Variants in CIMAP2 observed in about 807,000 individuals in gnomAD.
CIMAP2 encodes ciliary microtubule associated protein 2.
chr1:54,808,017 T>C, the CIMAP2 span: 7 of 1,551,500 alleles, frequency 4.5e-6, no homozygotes, highest in Non-Finnish European at 6.1e-6. Flanking sequence ...CTGGGGTAGG[T>C]GTTCTCATGT....
chr1:54,811,777 C>CGGGGGGGGGGGG, the CIMAP2 span: 2 of 511,454 alleles, frequency 3.9e-6, no homozygotes, highest in Non-Finnish European at 7.4e-6. Flanking sequence ...CTCCATGCCC[C>CGGGGGGGGGGGG]CACCCCCGCC....
chr1:54,810,045 A>G, the CIMAP2 span, among the ~76,000 whole-genome samples: 1 of 152,110 alleles, frequency 6.6e-6, no homozygotes, highest in African/African-American at 2.4e-5. Flanking sequence ...GAACCTCTGA[A>G]CCTGAAGGTT....
the CIMAP2 span, among the ~76,000 whole-genome samples, chr1:54,833,832 T>C: frequency 6.7e-6 from 1 of 149,612 alleles, no homozygotes; most frequent in South Asian, 2.1e-4. Flanking sequence ...GGCCACCCTA[T>C]GATTTGTTCT....
chr1:54,814,967 CA>C, the CIMAP2 span: 3 of 1,614,206 alleles, frequency 1.9e-6, no homozygotes, highest in African/African-American at 1.3e-5. Flanking sequence ...GCAAACCCGT[CA>C]ACCAGCCCCC....
the CIMAP2 span, chr1:54,811,765 G>GGGGGGGGGGGGGGGGGGCCCCCCC: frequency 7.7e-7 from 1 of 1,301,332 alleles, no homozygotes; most frequent in Non-Finnish European, 1.1e-6. Flanking sequence ...GGTTCTGACA[G>GGGGGGGGGGGGGGGGGGCCCCCCC]CCTCCATGCC....
the CIMAP2 span, among the ~76,000 whole-genome samples, chr1:54,815,883 C>T: frequency 1.4e-5 from 2 of 142,496 alleles, no homozygotes; most frequent in Admixed American, 1.4e-4. Context: ...CTCCTGACTT[C>T]CAGTAGCACA....
the CIMAP2 span, among the ~76,000 whole-genome samples, chr1:54,839,014 A>G: frequency 6.6e-6 from 1 of 152,186 alleles, no homozygotes; most frequent in East Asian, 1.9e-4. Context: ...GGAGCTATGG[A>G]GGCCTGGGCC....
the CIMAP2 span, chr1:54,813,681 CGG>C: frequency 1.9e-6 from 2 of 1,043,660 alleles, no homozygotes; most frequent in Non-Finnish European, 2.7e-6. Context: ...GCCCGGCCTC[CGG>C]CCTCCGGGAT....
the CIMAP2 span, among the ~76,000 whole-genome samples, chr1:54,833,513 C>T: frequency 6.6e-6 from 1 of 152,220 alleles, no homozygotes; most frequent in Admixed American, 6.5e-5. Flanking sequence ...CTGCCTTCTT[C>T]CCTGCTTCTT....
At chr1:54,817,203 T>C in the CIMAP2 span, 2 of 1,559,528 alleles carry the variant, frequency 1.3e-6, no homozygotes, top group Admixed American at 1.7e-5. Context: ...GTTCCCCATG[T>C]TTGGTTCCCA....
At chr1:54,820,112 CTCTTTCTTTCTTTCTTTCTTTCTT>C in the CIMAP2 span, among the ~76,000 whole-genome samples, 1 of 8,314 alleles carries the variant, frequency 1.2e-4, no homozygotes, top group Non-Finnish European at 6.1e-4. Flanking sequence ...TTCTCTCTCT[CTCTTTCTTTCTTTCTTTCTTTCTT>C]TCTCTCTTTC....
chr1:54,834,521 CTA>C, the CIMAP2 span, among the ~76,000 whole-genome samples: 3 of 152,084 alleles, frequency 2.0e-5, no homozygotes, highest in Non-Finnish European at 4.4e-5. Flanking sequence ...CAGTGTATAC[CTA>C]TATACCCACT....
the CIMAP2 span, chr1:54,811,763 C>CCGCCGGGGGGGGGGG: frequency 1.6e-6 from 2 of 1,280,766 alleles, no homozygotes; most frequent in Non-Finnish European, 2.2e-6. Context: ...GTGGTTCTGA[C>CCGCCGGGGGGGGGGG]AGCCTCCATG....
At chr1:54,813,737 T>C in the CIMAP2 span, 7 of 1,462,078 alleles carry the variant, frequency 4.8e-6, no homozygotes, top group African/African-American at 8.5e-5. Flanking sequence ...TGCTTTTCTC[T>C]GGTTGCGGGG....
the CIMAP2 span, among the ~76,000 whole-genome samples, chr1:54,819,072 T>C: frequency 1.3e-5 from 2 of 152,188 alleles, no homozygotes; most frequent in South Asian, 4.1e-4. Context: ...TGTGAGTGAT[T>C]GGCAGGGGCC....
the CIMAP2 span, among the ~76,000 whole-genome samples, chr1:54,837,422 A>G: frequency 2.6e-5 from 4 of 151,958 alleles, no homozygotes; most frequent in African/African-American, 9.7e-5. Context: ...ACTAAGCACA[A>G]CTCTCTTTTC....
chr1:54,841,961 G>C, the CIMAP2 span: 1 of 1,362,982 alleles, frequency 7.3e-7, no homozygotes, highest in Non-Finnish European at 1.0e-6. Context: ...CATGGGAGTG[G>C]GGTGTCTTAG....
At chr1:54,811,663 A>C in the CIMAP2 span, 2 of 951,266 alleles carry the variant, frequency 2.1e-6, no homozygotes, top group Non-Finnish European at 3.2e-6. Context: ...GTCAGAGGGC[A>C]GGTAGCAAGC....
chr1:54,816,580 G>A, the CIMAP2 span, among the ~76,000 whole-genome samples: 55 of 152,274 alleles, frequency 3.6e-4, no homozygotes, highest in African/African-American at 1.3e-3. Context: ...TGCTCCCTCT[G>A]AAACCTGTTG....
Sources: gnomAD v4.1 joint callset for allele counts (sites outside exome capture counted in the v4.1 genomes callset) on GRCh38, gnomAD v4.1.1 for gene constraint, MANE v1.5 for transcripts, NCBI Gene and HGNC (gene_info 2026-07-23, HGNC 2026-07-21) for gene names.